The following MAPK6 variants were observed in gnomAD, a reference collection of about 807,000 sequenced individuals.
The protein encoded by MAPK6 is ERK-3.
Under a neutral mutation model 59.3 loss-of-function variants are expected in MAPK6, and 19 were observed. The observed-to-expected ratio is 0.32, with a 90% CI of 0.22 to 0.47. The LOEUF is 0.47. MAPK6 is among the 20% of genes least tolerant of loss of function. The pLI, the probability that MAPK6 is intolerant of heterozygous loss-of-function variation, is 1.00. For missense variants in MAPK6, 724 were observed against 847.9 expected (o/e 0.85, Z 1.81); for synonymous variants, 316 against 290.3 (o/e 1.09, Z -0.90).
chr15:51,973,062 C>T (rs558455148), intron 1 of MAPK6, among the ~76,000 whole-genome samples: 1 of 151,620 alleles, frequency 6.6e-6, no homozygotes, highest in South Asian at 2.1e-4. Flanking sequence ...CCTAATTAGG[C>T]CATTATGAGA....
At chr15:51,999,231 C>T (rs1264968839) in intron 2 of MAPK6, among the ~76,000 whole-genome samples, 1 of 151,692 alleles carries the variant, frequency 6.6e-6, no homozygotes, top group East Asian at 1.9e-4. Context: ...CACCTGACCT[C>T]AAGTGGTCCA....
chr15:52,013,001 AAAAAAAAAAAAAAAAAAAAATATAT>A (rs1340157778), intron 3 of MAPK6, among the ~76,000 whole-genome samples: 168 of 26,966 alleles, frequency 6.2e-3, no homozygotes, highest in Non-Finnish European at 8.9e-3. Flanking sequence ...AAAAAAAAAA[AAAAAAAAAAAAAAAAAAAAATATAT>A]ATATATATAT....
intron 3 of MAPK6, among the ~76,000 whole-genome samples, chr15:52,054,898 C>T (rs1243531979): frequency 6.6e-6 from 1 of 152,162 alleles, no homozygotes; most frequent in African/African-American, 2.4e-5. Context: ...AGCGACTCTC[C>T]TGCCTCAGCC....
At chr15:51,991,142 T>TACACACAC (rs1209672368) in intron 2 of MAPK6, among the ~76,000 whole-genome samples, 1 of 110,080 alleles carries the variant, frequency 9.1e-6, no homozygotes. Context: ...AAGAAATATA[T>TACACACAC]ATATATACAC....
intron 2 of MAPK6, among the ~76,000 whole-genome samples, chr15:51,988,254 C>A (rs1174309815): frequency 6.6e-6 from 1 of 150,602 alleles, no homozygotes; most frequent in Non-Finnish European, 1.5e-5. Context: ...TTAGAGATAC[C>A]CACAGAGAAA....
intron 1 of MAPK6, among the ~76,000 whole-genome samples, chr15:52,044,955 T>C (rs2031553375): frequency 6.8e-6 from 1 of 148,140 alleles, no homozygotes; most frequent in African/African-American, 2.5e-5. Context: ...TTTTGCAATA[T>C]ACATATGTAC....
intron 3 of MAPK6, among the ~76,000 whole-genome samples, chr15:52,010,240 CAG>C (rs1394759594): frequency 1.3e-5 from 2 of 151,904 alleles, no homozygotes; most frequent in African/African-American, 4.8e-5. Flanking sequence ...TTTTTTGAGA[CAG>C]AGTTTTGTTT....
chr15:52,048,747 C>G (rs1004604074), intron 2 of MAPK6, among the ~76,000 whole-genome samples: 5 of 150,232 alleles, frequency 3.3e-5, no homozygotes, highest in African/African-American at 1.2e-4. Flanking sequence ...TGCGCAGTGG[C>G]TCCTGCCTGT....
intron 4 of MAPK6, among the ~76,000 whole-genome samples, chr15:52,060,705 C>T (rs764365543): frequency 2.4e-4 from 36 of 152,044 alleles, no homozygotes; most frequent in Admixed American, 1.1e-3. Context: ...TAACCAGAGT[C>T]CTAAGATGTG....
At chr15:52,048,700 A>G (rs1228545908) in intron 2 of MAPK6, among the ~76,000 whole-genome samples, 2 of 152,128 alleles carry the variant, frequency 1.3e-5, no homozygotes, top group Admixed American at 6.5e-5. Flanking sequence ...AGGCCGGGGC[A>G]GGAGGATCAC....
At position 52,061,390 on chromosome 15, in the gene MAPK6, T is replaced by C. The variant is rs1235359164; in HGVS notation, c.957T>C (p.Tyr319=). Residue 319 remains tyrosine, a synonymous_variant, in exon 5 of 6, where the codon TAT becomes TAC. Transcript: ENST00000261845. The part of the protein sequence containing the change: ...EALSHPYMSI[Y]SFPMDEPISS... The stretch of plus-strand genomic sequence containing the variant: ...TCTCCCATCCTTACATGAGCATATA[T>C]TCTTTTCCAATGGATGAGCCAATTT... 5.0e-6 allele frequency: 8 copies of C among 1,613,918 alleles called. No individual in the cohort carries two copies. Among genetic ancestry groups the C allele is most frequent in the African/African-American group, 4.0e-5 (3 of 74,938 alleles).
intron 1 of MAPK6, among the ~76,000 whole-genome samples, chr15:52,028,484 G>T (rs992573037): frequency 1.3e-5 from 2 of 152,138 alleles, no homozygotes; most frequent in African/African-American, 4.8e-5. Flanking sequence ...GTGCTTTAGG[G>T]CTGTACTGTC....
At chr15:52,053,418 G>C (rs1435570114) in intron 3 of MAPK6, among the ~76,000 whole-genome samples, 1 of 152,098 alleles carries the variant, frequency 6.6e-6, no homozygotes, top group Non-Finnish European at 1.5e-5. Context: ...ACTAATGGAT[G>C]ATTGAATGTC....
chr15:51,999,689 G>A (rs566293593), intron 2 of MAPK6, among the ~76,000 whole-genome samples: 1 of 152,058 alleles, frequency 6.6e-6, no homozygotes, highest in South Asian at 2.1e-4. Flanking sequence ...TGTCATCCAG[G>A]CTGGAATGCA....
intron 1 of MAPK6, among the ~76,000 whole-genome samples, chr15:52,043,932 C>T (rs548902501): frequency 2.6e-5 from 4 of 151,598 alleles, no homozygotes; most frequent in Non-Finnish European, 5.9e-5. Flanking sequence ...TGCGCCACCA[C>T]GCCTGGCTAC....
chr15:52,023,106 CAAAAAA>C (rs60315520), intron 1 of MAPK6, among the ~76,000 whole-genome samples: 3 of 73,652 alleles, frequency 4.1e-5, no homozygotes, highest in African/African-American at 1.1e-4. Context: ...GACTCCGTCT[CAAAAAA>C]AAAAAAAAAA....
chr15:52,038,316 C>T (rs1443909388), intron 1 of MAPK6, among the ~76,000 whole-genome samples: 1 of 152,124 alleles, frequency 6.6e-6, no homozygotes, highest in Non-Finnish European at 1.5e-5. Flanking sequence ...CATCTTGGTT[C>T]ATTCTGCTTC....
chr15:52,014,703 T>TAAAAAAAAAAAAAAAAA (rs796259080), upstream of MAPK6, among the ~76,000 whole-genome samples: 89 of 119,384 alleles, frequency 7.5e-4, 3 homozygotes, highest in African/African-American at 2.6e-3. Context: ...TGAGATTTTC[T>TAAAAAAAAAAAAAAAAA]AAAAAAAAAA....
chr15:52,063,959 T>C lies in MAPK6; in HGVS notation c.1125T>C (p.Ile375=), dbSNP rs1279555557. ...HDWPVHNNFD[I]DEVQLDPRAL... is the part of the protein sequence containing the mutation. ...GGCCTGTACATAACAACTTTGATAT[T>C]GATGAAGTTCAGCTTGATCCAAGAG... Residue 375 remains isoleucine (I), a synonymous_variant, in exon 6 of 6, where the codon ATT becomes ATC. Coordinates refer to ENST00000261845, the MANE Select transcript of MAPK6 (RefSeq NM_002748.4). The C allele has an allele frequency of 1.2e-6, 2 of 1,604,024 alleles. No homozygotes were observed. The highest frequency in any genetic ancestry group is 1.7e-5 in the Admixed American group (1 of 58,080).
Sources: allele counts gnomAD v4.1 joint callset (sites outside exome capture counted in the v4.1 genomes callset), GRCh38; gene constraint gnomAD v4.1.1; transcripts MANE v1.5; gene names NCBI Gene and HGNC (gene_info 2026-07-23, HGNC 2026-07-21).